Variants in SMG6 observed in about 807,000 individuals in gnomAD.
The protein encoded by SMG6 is telomerase-binding protein EST1A.
SMG6 carries 66 observed loss-of-function variants against 142.2 expected under a neutral mutation model. That is an observed-to-expected ratio of 0.46 (90% CI 0.38 to 0.57). SMG6 has a LOEUF of 0.57. Ranked by LOEUF, SMG6 falls within the 20% of genes least tolerant of loss-of-function variation. The pLI, the probability that SMG6 is intolerant of heterozygous loss-of-function variation, is 0.00. For synonymous variants in SMG6, 779 were observed against 702.4 expected, an observed-to-expected ratio of 1.11 and a Z score of -1.72; for missense variants, 1,793 against 1,832.0, an observed-to-expected ratio of 0.98 and a Z score of 0.39.
intron 13 of SMG6, among the ~76,000 whole-genome samples, chr17:2,156,048 T>C (rs2070989834): frequency 8.0e-6 from 1 of 124,894 alleles, no homozygotes; most frequent in Admixed American, 7.8e-5. Context: ...CTTTTTTTTT[T>C]TTTTTTTAAA....
At chr17:2,119,628 T>C (rs1468954148) in intron 13 of SMG6, among the ~76,000 whole-genome samples, 1 of 151,958 alleles carries the variant, frequency 6.6e-6, no homozygotes, top group African/African-American at 2.4e-5. Context: ...GCCTCCTGAG[T>C]AGTTGGGATT....
At chr17:2,303,166 G>A (rs543511509) in intron 1 of SMG6, 5 of 985,472 alleles carry the variant, frequency 5.1e-6, no homozygotes, top group Admixed American at 1.2e-4. Flanking sequence ...TCTTGGGGGG[G>A]AAAAGTTCAG....
intron 13 of SMG6, among the ~76,000 whole-genome samples, chr17:2,120,547 T>C (rs1422824245): frequency 1.3e-5 from 2 of 152,122 alleles, no homozygotes; most frequent in Admixed American, 6.6e-5. Flanking sequence ...TAGCAATACC[T>C]TGTCTCTACA....
chr17:2,078,297 A>C (rs781352226), intron 15 of SMG6, among the ~76,000 whole-genome samples: 2 of 152,244 alleles, frequency 1.3e-5, no homozygotes, highest in African/African-American at 2.4e-5. Flanking sequence ...AATAGTATTT[A>C]ATATGAAATT....
intron 13 of SMG6, among the ~76,000 whole-genome samples, chr17:2,167,843 T>C (rs1471903213): frequency 6.6e-6 from 1 of 152,254 alleles, no homozygotes; most frequent in East Asian, 1.9e-4. Flanking sequence ...CACTAGAAGC[T>C]GGAGGAAATG....
intron 8 of SMG6, among the ~76,000 whole-genome samples, chr17:2,265,676 C>A (rs972073472): frequency 6.6e-6 from 1 of 152,196 alleles, no homozygotes; most frequent in South Asian, 2.1e-4. Context: ...TCGTGAGCCA[C>A]GTACATCTCT....
chr17:2,100,001 TACA>T (rs2068961058), intron 13 of SMG6, among the ~76,000 whole-genome samples: 1 of 151,598 alleles, frequency 6.6e-6, no homozygotes, highest in Non-Finnish European at 1.5e-5. Context: ...TAGCTGGGAC[TACA>T]GGTGCCTGCC....
Position 2,188,475 on chromosome 17 carries a change from T to A in SMG6, c.2910A>T (p.Gln970His). ...SEECRSVIQE[Q>H]AAALGLAMFS... ...ACATGGCCAAGCCCAGAGCTGCGGC[T>A]TGTTCCTGGATCACAGAGCGGCACT... Residue 970 changes from glutamine to histidine, a missense_variant, in exon 11 of 19, where the codon CAA becomes CAT. Coordinates refer to ENST00000263073, the MANE Select transcript of SMG6 (RefSeq NM_017575.5). 1 of 1,614,082 alleles carries A rather than the reference T, an allele frequency of 6.2e-7. No individual in the cohort carries two copies. Among genetic ancestry groups the A allele is most frequent in the East Asian group, 2.2e-5 (1 of 44,870 alleles).
At chr17:2,261,132 CT>C (rs938245122) in intron 8 of SMG6, among the ~76,000 whole-genome samples, 1 of 151,116 alleles carries the variant, frequency 6.6e-6, no homozygotes, top group African/African-American at 2.4e-5. Flanking sequence ...CAGTGAAACC[CT>C]TTCTCTACTA....
At chr17:2,184,985 AAGAC>A (rs2071932891) in intron 12 of SMG6, among the ~76,000 whole-genome samples, 1 of 150,386 alleles carries the variant, frequency 6.6e-6, no homozygotes, top group Non-Finnish European at 1.5e-5. Context: ...AAAAAAAAAA[AAGAC>A]AGCTATAGAT....
intron 10 of SMG6, among the ~76,000 whole-genome samples, chr17:2,206,579 TA>T (rs1010558986): frequency 6.6e-6 from 1 of 150,726 alleles, no homozygotes; most frequent in South Asian, 2.1e-4. Context: ...ATCTTGTCTC[TA>T]AAAAAAATAA....
At chr17:2,191,230 C>T (rs1336143613) in intron 10 of SMG6, among the ~76,000 whole-genome samples, 1 of 152,228 alleles carries the variant, frequency 6.6e-6, no homozygotes, top group Admixed American at 6.5e-5. Flanking sequence ...TCATGGGCTG[C>T]TCTTGGCCTC....
At chr17:2,257,102 T>C (rs1162866426) in intron 8 of SMG6, among the ~76,000 whole-genome samples, 2 of 151,644 alleles carry the variant, frequency 1.3e-5, no homozygotes, top group East Asian at 3.9e-4. Context: ...TTTTTTTTTT[T>C]TGAGACAGAG....
At chr17:2,234,939 G>C (rs181235359) in intron 10 of SMG6, among the ~76,000 whole-genome samples, 23 of 152,256 alleles carry the variant, frequency 1.5e-4, no homozygotes, top group African/African-American at 5.5e-4. Context: ...ATTTGGTGCT[G>C]GAACAATGTC....
At chr17:2,240,537 G>A (rs369475639) in intron 9 of SMG6, among the ~76,000 whole-genome samples, 1 of 151,988 alleles carries the variant, frequency 6.6e-6, no homozygotes, top group African/African-American at 2.4e-5. Context: ...ATGGACCTCA[G>A]AGACCATATC....
In SMG6 at chr17:2,120,375, G is replaced by C. The variant is rs57983946; in HGVS notation, c.3358-34474C>G. Among the ~76,000 whole-genome samples the C allele has an allele frequency of 6.6e-5, 10 of 152,298 alleles. No individual in the cohort carries two copies. The East Asian group carries it at 1.7e-3, about 27-fold the overall frequency. On this transcript the variant is annotated intron_variant, in intron 13 of 18. Transcript: ENST00000263073. ...AAATAACTCAAGAAAATGGGAGGAA[G>C]ATGTGAAAAGATCCTTCATAAGGAA...
intron 15 of SMG6, among the ~76,000 whole-genome samples, chr17:2,069,547 G>T (rs532138191): frequency 1.3e-5 from 2 of 151,564 alleles, no homozygotes; most frequent in African/African-American, 4.8e-5. Flanking sequence ...AGCGAGCCGA[G>T]ATCACACCAC....
intron 10 of SMG6, among the ~76,000 whole-genome samples, chr17:2,204,705 T>C (rs1027441663): frequency 2.6e-5 from 4 of 152,228 alleles, no homozygotes; most frequent in African/African-American, 9.6e-5. Flanking sequence ...GGCTCACGCC[T>C]ATAATTCCAA....
chr17:2,144,786 G>A (rs1207232718), intron 13 of SMG6, among the ~76,000 whole-genome samples: 1 of 152,086 alleles, frequency 6.6e-6, no homozygotes, highest in East Asian at 1.9e-4. Context: ...CTCAGGTGAG[G>A]GTTAGCTCAT....
Sources: allele counts gnomAD v4.1 joint callset (sites outside exome capture counted in the v4.1 genomes callset), GRCh38; gene constraint gnomAD v4.1.1; transcripts MANE v1.5; gene names NCBI Gene and HGNC (gene_info 2026-07-23, HGNC 2026-07-21).